The following MTCL1 variants were observed in gnomAD, a reference collection of about 807,000 sequenced individuals.
MTCL1 encodes microtubule crosslinking factor 1, also known as microtubule cross-linking factor 1.
A neutral mutation model predicts 141.4 loss-of-function variants in MTCL1; 79 were observed. That is an observed-to-expected ratio of 0.56 (90% confidence interval 0.47 to 0.67). The LOEUF is 0.67. MTCL1 is among the 30% of genes least tolerant of loss of function. The probability of loss-of-function intolerance (pLI) is 0.00; values close to 1 mark genes in which losing one functional copy is unlikely to be tolerated. For synonymous variants in MTCL1, 914 were observed against 875.8 expected, an observed-to-expected ratio of 1.04 and a Z score of -0.77; for missense variants, 2,177 against 2,113.9, an observed-to-expected ratio of 1.03 and a Z score of -0.59.
At chr18:8,800,131 G>A (rs1228175590) in intron 10 of MTCL1, among the ~76,000 whole-genome samples, 1 of 152,194 alleles carries the variant, frequency 6.6e-6, no homozygotes, top group Admixed American at 6.5e-5. Flanking sequence ...ACGACAGCTG[G>A]TTCTCTGGGA....
intron 4 of MTCL1, among the ~76,000 whole-genome samples, chr18:8,733,154 C>T (rs1388198154): frequency 6.6e-6 from 1 of 152,194 alleles, no homozygotes; most frequent in Non-Finnish European, 1.5e-5. Flanking sequence ...TGCCTGGGAG[C>T]CAGGGCGCAG....
At chr18:8,819,049 A>G in exon 13 of MTCL1, 3 of 1,614,252 alleles carry the variant, frequency 1.9e-6, no homozygotes, top group African/African-American at 1.3e-5. Flanking sequence ...CCCACCAGGG[A>G]AGCCTCCGCA....
At chr18:8,706,315 C>T (rs1476785905) in exon 1 of MTCL1, 3 of 1,230,294 alleles carry the variant, frequency 2.4e-6, no homozygotes, top group East Asian at 3.2e-5. Flanking sequence ...CCCCTCCGAA[C>T]CCCTGTCCGA....
chr18:8,796,455 TC>T lies in MTCL1; in HGVS notation c.2235del (p.Phe745LeufsTer136). 6.2e-7 allele frequency: 1 copy of T among 1,614,124 alleles called. No homozygotes were observed. Among genetic ancestry groups the T allele is most frequent in the South Asian group, 1.1e-5 (1 of 91,060 alleles). On this transcript the variant is annotated frameshift_variant, in exon 9 of 17. Transcript: ENST00000359865. LOFTEE classifies it high-confidence loss of function. ...CAGATGGAGGAGGAAGGAGAGGAGT[TC>T]ACTGAGGTAACTCCACTGTCGAATT...
chr18:8,718,036 A>G (rs992513721), intron 2 of MTCL1: 1 of 947,598 alleles, frequency 1.1e-6, no homozygotes. Flanking sequence ...CAGGGTCCGT[A>G]TGATTCATCT....
At chr18:8,760,898 T>C (rs2096428880) in intron 4 of MTCL1, among the ~76,000 whole-genome samples, 1 of 152,248 alleles carries the variant, frequency 6.6e-6, no homozygotes, top group Non-Finnish European at 1.5e-5. Flanking sequence ...AAATGATGAC[T>C]TCTTATGAAG....
chr18:8,790,907 C>T (rs1020583845), intron 7 of MTCL1, among the ~76,000 whole-genome samples: 4 of 152,038 alleles, frequency 2.6e-5, no homozygotes, highest in East Asian at 1.9e-4. Flanking sequence ...CCCAGCTGCT[C>T]GGGAGGCTGA....
chr18:8,713,462 G>A (rs2096107051), upstream of MTCL1, among the ~76,000 whole-genome samples: 1 of 152,104 alleles, frequency 6.6e-6, no homozygotes, highest in South Asian at 2.1e-4. Flanking sequence ...TTTTTAGTTG[G>A]CAGATGTCAT....
rs1335977377 is a variant in MTCL1 at position 8,784,650 on chromosome 18, G to C, written c.1538G>C (p.Gly513Ala). ...GACCAGCAGGAGCCCCAGCTGCTGGGGACCATCAACGCCAAGATGAAGGCT... is the reference window on the plus strand; with the variant it reads ...GACCAGCAGGAGCCCCAGCTGCTGGCGACCATCAACGCCAAGATGAAGGCT... The change falls in exon 6 of 17, where the codon GGG (glycine) becomes GCG (alanine). Residue 513 changes from glycine (G) to alanine (A), a missense_variant. Gly to Ala is a moderately conservative substitution (Grantham distance 60). Coordinates refer to ENST00000359865, the Ensembl canonical transcript of MTCL1. The C allele has an allele frequency of 1.9e-6, 3 of 1,613,978 alleles. No individual in the cohort carries two copies. In the South Asian group the frequency reaches 3.3e-5, roughly 18 times the overall value.
At chr18:8,806,815 A>C in intron 10 of MTCL1, 78 bp from the exon 10 acceptor site, 1 of 1,376,918 alleles carries the variant, frequency 7.3e-7, no homozygotes, top group Non-Finnish European at 9.8e-7. Context: ...CACTACCTTG[A>C]TAGCCAGATC....
chr18:8,783,997 C>G (rs149524338), exon 6 of MTCL1: 13 of 1,613,584 alleles, frequency 8.1e-6, no homozygotes, highest in African/African-American at 1.3e-5. Flanking sequence ...TCTCCGAGAT[C>G]GAAGACCACA....
intron 4 of MTCL1, among the ~76,000 whole-genome samples, chr18:8,724,678 C>T (rs1307391448): frequency 2.0e-5 from 3 of 152,298 alleles, no homozygotes; most frequent in South Asian, 2.1e-4. Flanking sequence ...AACCCATCCC[C>T]GGCTCCCTGT....
intron 11 of MTCL1, among the ~76,000 whole-genome samples, chr18:8,808,026 C>A (rs1469402057): frequency 1.3e-5 from 2 of 149,980 alleles, no homozygotes; most frequent in Admixed American, 1.3e-4. Context: ...AAAAAAAACT[C>A]CAGCTCTCCT....
chr18:8,726,513 G>A (rs1235866857), intron 4 of MTCL1, among the ~76,000 whole-genome samples: 3 of 133,046 alleles, frequency 2.3e-5, no homozygotes, highest in Admixed American at 7.4e-5. Context: ...GCGCGCAAGA[G>A]CGAGCGAGAG....
At chr18:8,763,844 T>C (rs2096445549) in intron 4 of MTCL1, among the ~76,000 whole-genome samples, 1 of 152,208 alleles carries the variant, frequency 6.6e-6, no homozygotes, top group African/African-American at 2.4e-5. Flanking sequence ...AATTGCATTG[T>C]GGAAAATCTG....
At chr18:8,793,186 C>G (rs2075797131) in intron 8 of MTCL1, 66 bp downstream of exon 7, 1 of 1,590,718 alleles carries the variant, frequency 6.3e-7, no homozygotes, top group Non-Finnish European at 8.6e-7. Flanking sequence ...GGAGAAATGC[C>G]ACGATACATT....
intron 7 of MTCL1, among the ~76,000 whole-genome samples, chr18:8,787,995 T>C (rs1215722293): frequency 7.4e-6 from 1 of 134,410 alleles, no homozygotes; most frequent in East Asian, 2.2e-4. Context: ...GTTAAAGAAT[T>C]GTACAATGGA....
Position 8,810,769 on chromosome 18 carries a change from A to C in MTCL1, c.2605-2210A>C, listed in dbSNP as rs1367454039. Among the ~76,000 whole-genome samples, 1 of 152,166 alleles carries C rather than the reference A, an allele frequency of 6.6e-6. No homozygotes were observed. Among genetic ancestry groups the C allele is most frequent in the East Asian group, 1.9e-4 (1 of 5,170 alleles). On this transcript the variant is annotated intron_variant, in intron 11 of 16. Coordinates refer to ENST00000359865, the Ensembl canonical transcript of MTCL1. This position sits in a 1 kb window ranked among gnomAD's most constrained non-coding sequence, Gnocchi z 5.0. ...TTCTGCATTCTTTCTACTTAGAAAA[A>C]GTTTTATTTTCCCCAGATTTACATT...
rs16954188 is a variant in MTCL1, at chr18:8,796,225, A to C, written c.2011-7A>C. 2,466 of 1,614,038 alleles carry C rather than the reference A, an allele frequency of 1.5e-3. 40 individuals carry two copies. In the East Asian group the frequency reaches 0.038, roughly 25 times the overall value. Reference sequence around the variant, plus strand: ...CTTGTCACACTGTCTCTCTTATTCCATTCAAGATGGAGGAGGAGCACCTCT... The same window carrying C: ...CTTGTCACACTGTCTCTCTTATTCCCTTCAAGATGGAGGAGGAGCACCTCT... On this transcript the variant is annotated splice_polypyrimidine_tract_variant and splice_region_variant and intron_variant, in intron 8 of 16. Coordinates refer to ENST00000359865, the Ensembl canonical transcript of MTCL1.
Sources: gnomAD v4.1 joint callset for allele counts (sites outside exome capture counted in the v4.1 genomes callset) on GRCh38, gnomAD v4.1.1 for gene constraint, Gnocchi (gnomAD v3.1) non-coding constraint, MANE v1.5 for transcripts, NCBI Gene and HGNC (gene_info 2026-07-23, HGNC 2026-07-21) for gene names.